Variants in HS6ST3 observed in about 807,000 individuals in gnomAD.
HS6ST3 encodes the protein heparan sulfate 6-O-sulfotransferase 3.
In HS6ST3, 12 loss-of-function variants were observed where a neutral mutation model predicts 36.7. The ratio of observed to expected loss-of-function variants is 0.33; its 90% CI spans 0.21 to 0.53. The LOEUF (loss-of-function observed/expected upper bound fraction) is 0.53. HS6ST3 is among the 20% of genes least tolerant of loss of function. The probability of loss-of-function intolerance (pLI) is 0.95; values close to 1 mark genes in which losing one functional copy is unlikely to be tolerated. For missense variants in HS6ST3, 584 were observed against 640.9 expected (o/e 0.91, Z 0.96); for synonymous variants, 240 against 257.5 (o/e 0.93, Z 0.65).
chr13:96,608,332 G>T (rs2056446078), intron 1 of HS6ST3, among the ~76,000 whole-genome samples: 1 of 152,196 alleles, frequency 6.6e-6, no homozygotes, highest in Admixed American at 6.5e-5. Context: ...TTGCCATTTT[G>T]CAATTTCCAA....
chr13:96,353,563 T>G (rs1280741836), intron 1 of HS6ST3, among the ~76,000 whole-genome samples: 1 of 152,156 alleles, frequency 6.6e-6, no homozygotes, highest in Non-Finnish European at 1.5e-5. Context: ...CCAAACTTTT[T>G]TTTTTTCAAA....
intron 1 of HS6ST3, among the ~76,000 whole-genome samples, chr13:96,803,508 G>C (rs1461143930): frequency 6.6e-6 from 1 of 152,202 alleles, no homozygotes; most frequent in African/African-American, 2.4e-5. Context: ...ACCGTACCCA[G>C]AGGGGCAGGT....
chr13:96,660,534 C>T (rs2056642741), intron 1 of HS6ST3, among the ~76,000 whole-genome samples: 2 of 152,044 alleles, frequency 1.3e-5, no homozygotes, highest in Non-Finnish European at 2.9e-5. Context: ...ACTCAAAATA[C>T]ATTAAGGACT....
rs189451205 is a variant in HS6ST3, at chr13:96,285,129, G to A, written c.707+193560G>A. ...CTTTGGTAAGGTCTTGACAGTGTAA[G>A]ATAATCAACCGGTAAAAAAAGAACA... On this transcript the variant is annotated intron_variant, in intron 1 of 1. Coordinates refer to ENST00000376705, the MANE Select transcript of HS6ST3 (RefSeq NM_153456.4). Among the ~76,000 whole-genome samples, 387 of 152,114 alleles carry A rather than the reference G, an allele frequency of 2.5e-3. 1 individual carries two copies. Among genetic ancestry groups the A allele is most frequent in the Middle Eastern group, 0.02 (6 of 294 alleles).
chr13:96,782,360 C>G (rs1030829534), intron 1 of HS6ST3, among the ~76,000 whole-genome samples: 11 of 152,144 alleles, frequency 7.2e-5, no homozygotes, highest in African/African-American at 2.7e-4. Context: ...AGTAAGATAA[C>G]TTTTCTTTGT....
At chr13:96,537,114 T>G (rs2056158630) in intron 1 of HS6ST3, among the ~76,000 whole-genome samples, 1 of 152,242 alleles carries the variant, frequency 6.6e-6, no homozygotes, top group Admixed American at 6.5e-5. Flanking sequence ...AAGAAAAAGG[T>G]TTAATGGACT....
At chr13:96,424,161 A>T (rs1023525289) in intron 1 of HS6ST3, among the ~76,000 whole-genome samples, 3 of 152,182 alleles carry the variant, frequency 2.0e-5, no homozygotes, top group Non-Finnish European at 4.4e-5. Flanking sequence ...GCCACAGTTG[A>T]CATCACCAAA....
chr13:96,284,625 C>T (rs1363564144), intron 1 of HS6ST3, among the ~76,000 whole-genome samples: 1 of 152,178 alleles, frequency 6.6e-6, no homozygotes, highest in Non-Finnish European at 1.5e-5. Flanking sequence ...CCTTTGGCAA[C>T]ACCTCACAGA....
chr13:96,408,501 G>T (rs2055490189), intron 1 of HS6ST3, among the ~76,000 whole-genome samples: 1 of 152,154 alleles, frequency 6.6e-6, no homozygotes, highest in Admixed American at 6.5e-5. Context: ...CATATTTGTT[G>T]TCGAATAGGC....
At chr13:96,339,618 A>T (rs979793622) in intron 1 of HS6ST3, among the ~76,000 whole-genome samples, 2 of 152,236 alleles carry the variant, frequency 1.3e-5, no homozygotes, top group Non-Finnish European at 2.9e-5. Flanking sequence ...GCGATCAAAT[A>T]GACCAAGAGT....
intron 1 of HS6ST3, among the ~76,000 whole-genome samples, chr13:96,793,991 T>C (rs1451239395): frequency 6.6e-6 from 1 of 152,086 alleles, no homozygotes; most frequent in African/African-American, 2.4e-5. Flanking sequence ...CATTTTATTT[T>C]AGTTTTGTCA....
rs575991968 is a variant in HS6ST3, at chr13:96,249,483, G to A, written c.707+157914G>A. On this transcript the variant is annotated intron_variant, in intron 1 of 1. Coordinates refer to ENST00000376705, the MANE Select transcript of HS6ST3 (RefSeq NM_153456.4). ...GAGGAGAGGGAAGATAAGAGAAGTG[G>A]CTGAAAAACTGACAGAGAAGTAGAA... Among the ~76,000 whole-genome samples the A allele has an allele frequency of 5.6e-4, 85 of 152,242 alleles. No individual in the cohort carries two copies. In the Middle Eastern group the frequency reaches 0.017, roughly 30 times the overall value.
At chr13:96,213,725 G>A (rs1320653112) in intron 1 of HS6ST3, among the ~76,000 whole-genome samples, 1 of 152,148 alleles carries the variant, frequency 6.6e-6, no homozygotes, top group African/African-American at 2.4e-5. Context: ...GCATGTAGGT[G>A]TTTAAGGTAT....
intron 1 of HS6ST3, among the ~76,000 whole-genome samples, chr13:96,421,753 C>T (rs1241338613): frequency 6.6e-6 from 1 of 152,154 alleles, no homozygotes; most frequent in Non-Finnish European, 1.5e-5. Flanking sequence ...ATTTTGAAAA[C>T]GACTCTGGTA....
chr13:96,151,417 AAAAAG>A (rs1276811725), intron 1 of HS6ST3, among the ~76,000 whole-genome samples: 1 of 152,124 alleles, frequency 6.6e-6, no homozygotes, highest in Non-Finnish European at 1.5e-5. Context: ...AAAAAAAAAA[AAAAAG>A]AGACTGTCTG....
At chr13:96,739,922 A>G (rs745820237) in intron 1 of HS6ST3, among the ~76,000 whole-genome samples, 3 of 151,966 alleles carry the variant, frequency 2.0e-5, no homozygotes, top group Non-Finnish European at 4.4e-5. Flanking sequence ...TTTTGCTGCC[A>G]CTGTTTCTGG....
At chr13:96,181,137 T>A (rs2054237936) in intron 1 of HS6ST3, among the ~76,000 whole-genome samples, 1 of 152,232 alleles carries the variant, frequency 6.6e-6, no homozygotes, top group South Asian at 2.1e-4. Context: ...TACTTTATCT[T>A]ATTACATAAG....
At chr13:96,685,390 A>G (rs114209500) in intron 1 of HS6ST3, among the ~76,000 whole-genome samples, 84 of 152,214 alleles carry the variant, frequency 5.5e-4, no homozygotes, top group African/African-American at 2.0e-3. Flanking sequence ...TAGATATGTG[A>G]AATATCAAAG....
intron 1 of HS6ST3, among the ~76,000 whole-genome samples, chr13:96,167,533 A>G (rs1455501980): frequency 6.6e-6 from 1 of 152,174 alleles, no homozygotes; most frequent in African/African-American, 2.4e-5. Context: ...CAGGGCTGCA[A>G]GAGGTCAGAT....
Sources: gnomAD v4.1 joint callset for allele counts (sites outside exome capture counted in the v4.1 genomes callset) on GRCh38, gnomAD v4.1.1 for gene constraint, MANE v1.5 for transcripts, NCBI Gene and HGNC (gene_info 2026-07-23, HGNC 2026-07-21) for gene names.